The following INPP5D variants were observed in gnomAD, a reference collection of about 807,000 sequenced individuals.
INPP5D encodes the protein inositol polyphosphate-5-phosphatase D, also known as phosphatidylinositol 3,4,5-trisphosphate 5-phosphatase 1.
In INPP5D, 33 loss-of-function variants were observed where a neutral mutation model predicts 122.9. The observed-to-expected ratio is 0.27, with a 90% CI of 0.20 to 0.36. The LOEUF (loss-of-function observed/expected upper bound fraction) is 0.36. Ranked by LOEUF, INPP5D falls within the 10% of genes least tolerant of loss-of-function variation. The pLI, the probability that INPP5D is intolerant of heterozygous loss-of-function variation, is 1.00. For missense variants in INPP5D, 1,053 were observed against 1,412.7 expected (o/e 0.75, Z 4.08); for synonymous variants, 584 against 576.2 (o/e 1.01, Z -0.19).
At chr2:233,119,793 G>C (rs1372306739) in intron 2 of INPP5D, among the ~76,000 whole-genome samples, 1 of 152,172 alleles carries the variant, frequency 6.6e-6, no homozygotes, top group Non-Finnish European at 1.5e-5. Context: ...CAGGCACAAG[G>C]GCTCGGGAAC....
In INPP5D at chr2:233,189,444, G is replaced by A. The variant is rs142432220; in HGVS notation, c.2359-406G>A. 4.6e-5 allele frequency among the ~76,000 whole-genome samples: 7 copies of A among 152,296 alleles called. No individual in the cohort carries two copies. The South Asian group carries it at 1.2e-3, about 27-fold the overall frequency. ...CTGTGCTCTGTAGGGGGAGCCTGGCGCAGGGTGGAGTGCATGGATCATTCC... is the reference window on the plus strand; with the variant it reads ...CTGTGCTCTGTAGGGGGAGCCTGGCACAGGGTGGAGTGCATGGATCATTCC... On this transcript the variant is annotated intron_variant, in intron 21 of 26. Coordinates refer to ENST00000445964, the MANE Select transcript of INPP5D (RefSeq NM_001017915.3). The surrounding 1 kb of genome is among the most constrained non-coding windows in gnomAD (Gnocchi z 5.6).
At chr2:233,060,729 TC>T (rs779198544) in intron 1 of INPP5D, 117 bp downstream of exon 1, 4 of 1,335,866 alleles carry the variant, frequency 3.0e-6, no homozygotes, top group Non-Finnish European at 4.2e-6. Context: ...CATGCACACT[TC>T]CCCGCCACCC....
chr2:233,169,453 C>T (rs1694433207), intron 14 of INPP5D, 52 bp downstream of exon 14: 1 of 1,552,416 alleles, frequency 6.4e-7, no homozygotes, highest in African/African-American at 1.4e-5. Context: ...TCTGCCCAGA[C>T]ACGCCTCACA....
At chr2:233,169,502 T>G in intron 14 of INPP5D, 101 bp downstream of exon 14, 1 of 1,508,016 alleles carries the variant, frequency 6.6e-7, no homozygotes, top group Non-Finnish European at 8.9e-7. Flanking sequence ...CTCCTGCCTT[T>G]GACCTTGTGG....
intron 1 of INPP5D, among the ~76,000 whole-genome samples, chr2:233,071,937 G>A (rs532883572): frequency 6.6e-6 from 1 of 152,140 alleles, no homozygotes; most frequent in South Asian, 2.1e-4. Flanking sequence ...TTTGACTCTC[G>A]TGTCATCTAC....
At chr2:233,122,903 A>G (rs1057086450) in intron 3 of INPP5D, among the ~76,000 whole-genome samples, 57 of 152,240 alleles carry the variant, frequency 3.7e-4, no homozygotes, top group African/African-American at 1.2e-3. Flanking sequence ...GAGAATAACG[A>G]TAGTACCTGC....
chr2:233,144,141 G>T (rs1299212207), intron 6 of INPP5D, among the ~76,000 whole-genome samples: 1 of 149,330 alleles, frequency 6.7e-6, no homozygotes, highest in Admixed American at 6.7e-5. Context: ...ATCACGGTGG[G>T]TCTGGTAGGG....
At chr2:233,204,943 C>T in intron 26 of INPP5D, 1 of 642,508 alleles carries the variant, frequency 1.6e-6, no homozygotes, top group South Asian at 2.6e-5. Context: ...TCCCACACAT[C>T]CCTGACCCTG....
intron 2 of INPP5D, among the ~76,000 whole-genome samples, chr2:233,080,122 G>T (rs1202932098): frequency 1.3e-5 from 2 of 152,006 alleles, no homozygotes; most frequent in Non-Finnish European, 2.9e-5. Context: ...TACAGATGGG[G>T]TTTCTCCATG....
At position 233,185,840 on chromosome 2, in the gene INPP5D, C is replaced by A; in HGVS notation, c.2276-3C>A. The A allele has an allele frequency of 6.3e-7, 1 of 1,598,468 alleles. No homozygotes were observed. Among genetic ancestry groups the A allele is most frequent in the South Asian group, 1.1e-5 (1 of 87,810 alleles). ...GAAAACCAGCCTTTTTGTCCTCCAA[C>A]AGGTTTTGTCAAGAGTCAGGAAGGA... On this transcript the variant is annotated splice_region_variant and splice_polypyrimidine_tract_variant and intron_variant, in intron 20 of 26. Coordinates refer to ENST00000445964, the MANE Select transcript of INPP5D (RefSeq NM_001017915.3).
Position 233,078,194 on chromosome 2 carries a change from G to A in INPP5D, c.135-1141G>A, listed in dbSNP as rs1691576427. Among the ~76,000 whole-genome samples the A allele has an allele frequency of 6.6e-6, 1 of 152,232 alleles. No individual in the cohort carries two copies. ...ATGGATTCCATGGGTGTTAGCTGCTGCCAGGGTTTCAGCAGGCTGAGGGCC... is the reference window on the plus strand; with the variant it reads ...ATGGATTCCATGGGTGTTAGCTGCTACCAGGGTTTCAGCAGGCTGAGGGCC... On this transcript the variant is annotated intron_variant, in intron 1 of 26. Coordinates refer to ENST00000445964, the MANE Select transcript of INPP5D (RefSeq NM_001017915.3). This position sits in a 1 kb window ranked among gnomAD's most constrained non-coding sequence, Gnocchi z 4.6.
chr2:233,116,248 G>GATAGATAGATAGAT lies in INPP5D; in HGVS notation c.199-5852_199-5851insGATAGATATAGATA, dbSNP rs34084880. Among the ~76,000 whole-genome samples, 365 of 135,220 alleles carry GATAGATAGATAGAT rather than the reference G, an allele frequency of 2.7e-3. 1 individual carries two copies. Among genetic ancestry groups the GATAGATAGATAGAT allele is most frequent in the African/African-American group, 4.1e-3 (130 of 32,042 alleles). The allele number at this position is 135,220 out of a possible 152,430, so 88.7% of individuals were successfully genotyped here. A position where few individuals can be genotyped will look rare whatever the true frequency, so the allele number is the denominator to read the frequency against. ...ATGTAGATAGATAGATAGATAGATAGATAGATATAGATATAGATATAGATA... is the reference window on the plus strand; with the variant it reads ...ATGTAGATAGATAGATAGATAGATAGATAGATAGATAGATATAGATATAGATATAGATATAGATA... On this transcript the variant is annotated intron_variant, in intron 2 of 26. Transcript: ENST00000445964.
intron 1 of INPP5D, among the ~76,000 whole-genome samples, chr2:233,066,595 A>G (rs961255016): frequency 6.6e-6 from 1 of 151,828 alleles, no homozygotes; most frequent in Non-Finnish European, 1.5e-5. Flanking sequence ...CACCCTTTCT[A>G]TGGTGTACAA....
chr2:233,202,656 A>G (rs1695369974), intron 25 of INPP5D, among the ~76,000 whole-genome samples: 1 of 152,156 alleles, frequency 6.6e-6, no homozygotes, highest in Non-Finnish European at 1.5e-5. Context: ...AGCGATCCAC[A>G]ATTTCTTCAC....
chr2:233,102,001 G>A (rs1057250937), intron 2 of INPP5D, among the ~76,000 whole-genome samples: 4 of 151,798 alleles, frequency 2.6e-5, no homozygotes, highest in African/African-American at 9.7e-5. Context: ...CATGATGACC[G>A]TGGCTCTCAC....
intron 21 of INPP5D, among the ~76,000 whole-genome samples, chr2:233,186,188 C>T (rs1694909587): frequency 6.6e-6 from 1 of 152,136 alleles, no homozygotes; most frequent in Admixed American, 6.5e-5. Flanking sequence ...GAGGTCAGCT[C>T]GTCTAACCAC....
At chr2:233,124,233 G>A (rs1003231952) in intron 3 of INPP5D, among the ~76,000 whole-genome samples, 1 of 152,070 alleles carries the variant, frequency 6.6e-6, no homozygotes, top group African/African-American at 2.4e-5. Flanking sequence ...AGGTCCCCCA[G>A]GCTCTCCCCG....
At chr2:233,123,222 G>A (rs1254333627) in intron 3 of INPP5D, among the ~76,000 whole-genome samples, 1 of 152,232 alleles carries the variant, frequency 6.6e-6, no homozygotes, top group African/African-American at 2.4e-5. Context: ...TTGGGAAACA[G>A]AGGCGGGCAG....
At chr2:233,166,070 C>A (rs568025680) in intron 13 of INPP5D, among the ~76,000 whole-genome samples, 7 of 152,142 alleles carry the variant, frequency 4.6e-5, no homozygotes, top group Admixed American at 6.5e-5. Context: ...AAACTGCCCG[C>A]GTCCACCCCC....
Sources: gnomAD v4.1 joint callset for allele counts (sites outside exome capture counted in the v4.1 genomes callset) on GRCh38, gnomAD v4.1.1 for gene constraint, Gnocchi (gnomAD v3.1) non-coding constraint, MANE v1.5 for transcripts, NCBI Gene and HGNC (gene_info 2026-07-23, HGNC 2026-07-21) for gene names.